The following SCAPER variants were observed in gnomAD, a reference collection of about 807,000 sequenced individuals.
The protein encoded by SCAPER is S phase cyclin A-associated protein in the endoplasmic reticulum.
SCAPER carries 98 observed loss-of-function variants against 182.2 expected under a neutral mutation model. The observed-to-expected ratio is 0.54, with a 90% CI of 0.46 to 0.64. The LOEUF (loss-of-function observed/expected upper bound fraction) is 0.64, where lower values mean the gene tolerates loss of function less well. Among genes scored for constraint, SCAPER ranks in the 30% least tolerant of loss-of-function variants. The pLI is 0.00. For synonymous variants in SCAPER, 605 were observed against 564.6 expected (o/e 1.07, Z -1.01); for missense variants, 1,432 against 1,690.0 (o/e 0.85, Z 2.68).
At chr15:76,638,562 CTGTTGAACAGA>C (rs1226125219) in intron 21 of SCAPER, among the ~76,000 whole-genome samples, 1 of 152,104 alleles carries the variant, frequency 6.6e-6, no homozygotes, top group Non-Finnish European at 1.5e-5. Context: ...AGAGGTTTTT[CTGTTGAACAGA>C]TGTATGTTTT....
chr15:76,702,601 C>T (rs2147274053), intron 19 of SCAPER, among the ~76,000 whole-genome samples: 1 of 152,182 alleles, frequency 6.6e-6, no homozygotes, highest in South Asian at 2.1e-4. Context: ...ACATGCACCA[C>T]CATGCCCAGC....
rs1204692092 is a variant in SCAPER at position 76,439,241 on chromosome 15, A to T, written c.3079-4931T>A. Among the ~76,000 whole-genome samples the T allele has an allele frequency of 2.0e-5, 3 of 152,124 alleles. No individual in the cohort carries two copies. In the East Asian group the frequency reaches 5.8e-4, roughly 29 times the overall value. ...GCTGGCATTACAGGTGTGTGCCATC[A>T]GGCCCAGCTAATATTTTAGTAGAGA... On this transcript the variant is annotated intron_variant, in intron 25 of 31. Transcript: ENST00000563290.
chr15:76,483,926 A>G (rs1313985861), intron 24 of SCAPER, among the ~76,000 whole-genome samples: 1 of 152,178 alleles, frequency 6.6e-6, no homozygotes, highest in Non-Finnish European at 1.5e-5. Context: ...ACATTGGAAG[A>G]CAGTTTGGTA....
intron 16 of SCAPER, among the ~76,000 whole-genome samples, chr15:76,731,708 T>G (rs1190873260): frequency 6.6e-6 from 1 of 152,236 alleles, no homozygotes; most frequent in Non-Finnish European, 1.5e-5. Flanking sequence ...CAAGCATATG[T>G]AGACAGGTTT....
At chr15:76,693,193 C>A (rs2058471844) in intron 20 of SCAPER, among the ~76,000 whole-genome samples, 1 of 152,068 alleles carries the variant, frequency 6.6e-6, no homozygotes. Context: ...AGGGAAAAAA[C>A]TAGATCCTTT....
chr15:76,354,159 C>T lies in SCAPER; in HGVS notation c.3856-19G>A, dbSNP rs780336984. 4 of 1,588,548 alleles carry T rather than the reference C, an allele frequency of 2.5e-6. No individual in the cohort carries two copies. In the Admixed American group the frequency reaches 7.5e-5, roughly 30 times the overall value. On this transcript the variant is annotated intron_variant, in intron 29 of 31. Transcript: ENST00000563290. The surrounding 1 kb of genome is among the most constrained non-coding windows in gnomAD (Gnocchi z 4.4). ...CGATCACCTGAAATGGAAGAGCAGC[C>T]CAGGTCAGCTGCCGAAACGCCCCAG...
At chr15:76,508,122 T>C (rs2041748256) in intron 23 of SCAPER, among the ~76,000 whole-genome samples, 1 of 152,230 alleles carries the variant, frequency 6.6e-6, no homozygotes, top group South Asian at 2.1e-4. Context: ...ATCCTGACTT[T>C]TAAACTCATG....
chr15:76,495,643 G>C (rs1348710910), intron 24 of SCAPER, among the ~76,000 whole-genome samples: 1 of 150,988 alleles, frequency 6.6e-6, no homozygotes, highest in Non-Finnish European at 1.5e-5. Context: ...TGTGCATCTG[G>C]TACTTGACTA....
At chr15:76,852,786 G>A (rs2070888277) in intron 4 of SCAPER, among the ~76,000 whole-genome samples, 1 of 152,076 alleles carries the variant, frequency 6.6e-6, no homozygotes, top group African/African-American at 2.4e-5. Flanking sequence ...GAGAATTACA[G>A]AAGCAAGAGC....
intron 5 of SCAPER, among the ~76,000 whole-genome samples, chr15:76,841,044 T>C (rs1768460670): frequency 6.6e-6 from 1 of 152,166 alleles, no homozygotes; most frequent in African/African-American, 2.4e-5. Context: ...CCAAAGAATG[T>C]GAAATCTCAC....
At chr15:76,481,252 A>G (rs896737305) in intron 24 of SCAPER, among the ~76,000 whole-genome samples, 1 of 152,244 alleles carries the variant, frequency 6.6e-6, no homozygotes, top group Non-Finnish European at 1.5e-5. Flanking sequence ...AAATTGCTTT[A>G]TAAATATGCT....
At chr15:76,515,773 A>AT (rs2042369576) in intron 23 of SCAPER, among the ~76,000 whole-genome samples, 1 of 152,232 alleles carries the variant, frequency 6.6e-6, no homozygotes, top group African/African-American at 2.4e-5. Flanking sequence ...TTATGTTTAT[A>AT]TTGCGTCTAG....
intron 20 of SCAPER, among the ~76,000 whole-genome samples, chr15:76,671,512 G>C (rs1242434039): frequency 6.6e-6 from 1 of 152,180 alleles, no homozygotes; most frequent in Non-Finnish European, 1.5e-5. Flanking sequence ...GCTCATGCCT[G>C]TAATCCCAGC....
At chr15:76,858,017 G>A in intron 3 of SCAPER, 138 bp from the exon 4 acceptor site, 1 of 620,588 alleles carries the variant, frequency 1.6e-6, no homozygotes. Context: ...TCCTTCCAGA[G>A]ACCACAGTAT....
chr15:76,366,085 T>TTA (rs1491510242), intron 29 of SCAPER, among the ~76,000 whole-genome samples: 5 of 82,916 alleles, frequency 6.0e-5, no homozygotes, highest in Non-Finnish European at 1.2e-4. Flanking sequence ...ACTTACACAC[T>TTA]TACACACACA....
chr15:76,456,997 T>C (rs1200708839), intron 25 of SCAPER, among the ~76,000 whole-genome samples: 1 of 152,186 alleles, frequency 6.6e-6, no homozygotes, highest in East Asian at 1.9e-4. Flanking sequence ...CTCATGTAGA[T>C]AGAGCACATG....
chr15:76,492,189 G>C (rs1187291864), intron 24 of SCAPER, among the ~76,000 whole-genome samples: 1 of 152,160 alleles, frequency 6.6e-6, no homozygotes, highest in African/African-American at 2.4e-5. Context: ...TCCCCAAAGT[G>C]AAGAAATCAT....
At chr15:76,795,233 A>G (rs755589227) in intron 8 of SCAPER, 47 bp downstream of exon 8, 1 of 1,561,222 alleles carries the variant, frequency 6.4e-7, no homozygotes, top group East Asian at 2.3e-5. Context: ...GTATCTCTAT[A>G]TATCCACCTG....
intron 22 of SCAPER, among the ~76,000 whole-genome samples, chr15:76,606,237 T>G (rs9672754): frequency 0.33 from 50,525 of 152,010 alleles, 8,646 homozygotes; most frequent in East Asian, 0.55. Flanking sequence ...TTCTCATTGG[T>G]TTCAAAGAAC....
Sources: gnomAD v4.1 joint callset for allele counts (sites outside exome capture counted in the v4.1 genomes callset) on GRCh38, gnomAD v4.1.1 for gene constraint, Gnocchi (gnomAD v3.1) non-coding constraint, MANE v1.5 for transcripts, NCBI Gene and HGNC (gene_info 2026-07-23, HGNC 2026-07-21) for gene names.